FIG4: variants seen among roughly 807,000 people sequenced by gnomAD.
FIG4 encodes FIG4 phosphoinositide 5-phosphatase.
FIG4 carries 112 observed loss-of-function variants against 118.6 expected under a neutral mutation model. That is an observed-to-expected ratio of 0.94 (90% CI 0.81 to 1.11). FIG4 has a LOEUF of 1.11. Among genes scored for constraint, FIG4 ranks in the 50% least tolerant of loss-of-function variants. The pLI, the probability that FIG4 is intolerant of heterozygous loss-of-function variation, is 0.00. For missense variants in FIG4, 969 were observed against 1,111.7 expected (o/e 0.87, Z 1.83); for synonymous variants, 369 against 381.2 (o/e 0.97, Z 0.37).
At chr6:109,756,431 C>T (rs965588787) in intron 10 of FIG4, among the ~76,000 whole-genome samples, 52 of 151,782 alleles carry the variant, frequency 3.4e-4, no homozygotes, top group Non-Finnish European at 1.6e-4. Context: ...TTGCTCTTCT[C>T]GAGGAGTATC....
intron 22 of FIG4, among the ~76,000 whole-genome samples, chr6:109,814,522 AT>A (rs1366416668): frequency 6.6e-6 from 1 of 152,044 alleles, no homozygotes; most frequent in African/African-American, 2.4e-5. Flanking sequence ...TTTTCTTGTA[AT>A]TAATAAATAT....
intron 5 of FIG4, among the ~76,000 whole-genome samples, chr6:109,733,450 A>G (rs1414535486): frequency 1.3e-5 from 2 of 152,112 alleles, no homozygotes; most frequent in African/African-American, 4.8e-5. Context: ...AGAACACAGT[A>G]AGGACTTGAG....
At chr6:109,733,292 A>G (rs1278756658) in intron 5 of FIG4, among the ~76,000 whole-genome samples, 1 of 152,104 alleles carries the variant, frequency 6.6e-6, no homozygotes, top group Non-Finnish European at 1.5e-5. Flanking sequence ...CGTCCCAAAT[A>G]TTGATAATTG....
At chr6:109,729,284 A>T (rs1303391917) in intron 4 of FIG4, among the ~76,000 whole-genome samples, 1 of 152,216 alleles carries the variant, frequency 6.6e-6, no homozygotes, top group Non-Finnish European at 1.5e-5. Context: ...CCCATTTGTG[A>T]TAAAAGGTTT....
intron 10 of FIG4, among the ~76,000 whole-genome samples, chr6:109,751,962 A>G (rs1019958456): frequency 1.4e-5 from 2 of 144,800 alleles, no homozygotes; most frequent in African/African-American, 5.1e-5. Flanking sequence ...AGCATTAGGT[A>G]TATCTCCTAA....
Position 109,743,751 on chromosome 6 carries a change from C to T in FIG4, c.1116C>T (p.Ile372=), listed in dbSNP as rs754932535. Residue 372 remains isoleucine, a synonymous_variant, in exon 10 of 23, where the codon ATC becomes ATT. Transcript: ENST00000230124. ...TGTTCCAGAGGTTTGGCTCTCCCAT[C>T]ATCATCTTGAATTTAGTGAAGGTAT... ...DQMFQRFGSP[I]IILNLVKERE... is the part of the protein sequence containing the mutation. 4.3e-6 allele frequency: 7 copies of T among 1,612,174 alleles called. No homozygotes were observed. In the Admixed American group the frequency reaches 1.2e-4, roughly 27 times the overall value.
chr6:109,818,949 T>A (rs1778933194), intron 22 of FIG4, among the ~76,000 whole-genome samples: 1 of 152,218 alleles, frequency 6.6e-6, no homozygotes. Flanking sequence ...ATGCAGTGGA[T>A]GCTGAGGAGC....
At chr6:109,787,960 C>T (rs1301618093) in intron 18 of FIG4, among the ~76,000 whole-genome samples, 2 of 152,142 alleles carry the variant, frequency 1.3e-5, no homozygotes, top group African/African-American at 4.8e-5. Flanking sequence ...TACAATGGTG[C>T]AAAAGTTACA....
In FIG4 at chr6:109,763,970, T is replaced by TG; in HGVS notation, c.1424dup (p.Arg476SerfsTer41). On this transcript the variant is annotated frameshift_variant, in exon 13 of 23. Transcript: ENST00000230124. LOFTEE classifies it high-confidence loss of function. ...AACTAGGAGGATGTGTGATTCCCACTGGTCGCCTGCAGGTATACACAGTAT... is the reference window on the plus strand; with the variant it reads ...AACTAGGAGGATGTGTGATTCCCACTGGGTCGCCTGCAGGTATACACAGTAT... 1 of 1,609,172 alleles carries TG rather than the reference T, an allele frequency of 6.2e-7. No individual in the cohort carries two copies. The highest frequency in any genetic ancestry group is 1.3e-5 in the African/African-American group (1 of 74,964).
chr6:109,786,225 G>T, intron 17 of FIG4, 77 bp from the exon 18 acceptor site: 1 of 1,338,170 alleles, frequency 7.5e-7, no homozygotes, highest in South Asian at 1.2e-5. Flanking sequence ...TGCTGTCTGT[G>T]AACACAGTTA....
chr6:109,751,826 A>AT (rs200760437), intron 10 of FIG4, among the ~76,000 whole-genome samples: 11 of 135,494 alleles, frequency 8.1e-5, no homozygotes, highest in South Asian at 2.3e-4. Flanking sequence ...TTTTTTAAGT[A>AT]TTTTTTTTCT....
chr6:109,796,746 T>A lies in FIG4; in HGVS notation c.2460-19T>A, dbSNP rs1438662804. 1 of 1,469,902 alleles carries A rather than the reference T, an allele frequency of 6.8e-7. No individual in the cohort carries two copies. Among genetic ancestry groups the A allele is most frequent in the East Asian group, 2.3e-5 (1 of 44,190 alleles). The allele number at this position is 1,469,902 out of a possible 1,614,324, so 91.1% of individuals were successfully genotyped here. ...AGTACTCCCTTCTTTAGCTGACTCT[T>A]ATCCATTGTAATTTGTAGATTTGTT... On this transcript the variant is annotated intron_variant, in intron 21 of 22. Transcript: ENST00000230124.
intron 8 of FIG4, among the ~76,000 whole-genome samples, chr6:109,741,912 T>A (rs1353113290): frequency 6.6e-6 from 1 of 152,130 alleles, no homozygotes; most frequent in African/African-American, 2.4e-5. Context: ...CTGCACGTAT[T>A]CAGTTCAGAT....
Position 109,762,205 on chromosome 6 carries a change from A to C in FIG4, c.1386A>C (p.Glu462Asp). 1 of 1,561,756 alleles carries C rather than the reference A, an allele frequency of 6.4e-7. No homozygotes were observed. Among genetic ancestry groups the C allele is most frequent in the Non-Finnish European group, 8.8e-7 (1 of 1,132,166 alleles). The change falls in exon 12 of 23, where the codon GAA (glutamate) becomes GAC (aspartate). Residue 462 changes from glutamate to aspartate, a missense_variant and splice_region_variant. This residue lies in a region of FIG4 where 246 missense variants were observed against 354.3 expected (regional missense o/e 0.69). Transcript: ENST00000230124. ...DSYCSILRPD[E>D]KWNELGGCVI... Reference sequence around the variant, plus strand: ...ACTGTAGCATTTTGCGGCCAGATGAAAAGTATGTATGGTATTTTAAAACTT... The same window carrying C: ...ACTGTAGCATTTTGCGGCCAGATGACAAGTATGTATGGTATTTTAAAACTT...
At chr6:109,777,777 C>T (rs1777662812) in intron 16 of FIG4, among the ~76,000 whole-genome samples, 1 of 152,190 alleles carries the variant, frequency 6.6e-6, no homozygotes, top group East Asian at 1.9e-4. Context: ...TCAGAAGAAA[C>T]AAACAGTTTA....
chr6:109,724,896 G>A (rs1367766640), intron 3 of FIG4, among the ~76,000 whole-genome samples: 1 of 151,412 alleles, frequency 6.6e-6, no homozygotes, highest in Non-Finnish European at 1.5e-5. Context: ...TCATTTTTAA[G>A]TGCACAGTAC....
intron 15 of FIG4, among the ~76,000 whole-genome samples, chr6:109,768,571 G>A (rs1408325642): frequency 6.6e-6 from 1 of 152,150 alleles, no homozygotes; most frequent in Non-Finnish European, 1.5e-5. Flanking sequence ...TCTCAAGGCT[G>A]CCATTGAGAA....
chr6:109,774,734 GAAAAT>G (rs1777568437), intron 15 of FIG4, among the ~76,000 whole-genome samples: 1 of 152,012 alleles, frequency 6.6e-6, no homozygotes, highest in Middle Eastern at 3.2e-3. Flanking sequence ...TGTTTCTTTT[GAAAAT>G]TGTGTGTACC....
intron 7 of FIG4, among the ~76,000 whole-genome samples, chr6:109,741,164 A>G (rs1201925057): frequency 6.6e-6 from 1 of 152,128 alleles, no homozygotes; most frequent in African/African-American, 2.4e-5. Context: ...TTACTTGGCC[A>G]TAGGGCTTTC....
Sources: allele counts gnomAD v4.1 joint callset (sites outside exome capture counted in the v4.1 genomes callset), GRCh38; gene constraint gnomAD v4.1.1; regional missense constraint gnomAD v4.1.1; transcripts MANE v1.5; gene names NCBI Gene and HGNC (gene_info 2026-07-23, HGNC 2026-07-21).